The following COMMD1 variants were observed in gnomAD, a reference collection of about 807,000 sequenced individuals.
COMMD1 encodes COMM domain-containing protein 1.
COMMD1 carries 10 observed loss-of-function variants against 17.2 expected under a neutral mutation model. The ratio of observed to expected loss-of-function variants is 0.58; its 90% CI spans 0.36 to 0.99. COMMD1 has a LOEUF of 0.99. Among genes scored for constraint, COMMD1 ranks in the 50% least tolerant of loss-of-function variants. The pLI, the probability that COMMD1 is intolerant of heterozygous loss-of-function variation, is 0.01. For synonymous variants in COMMD1, 97 were observed against 91.6 expected, an observed-to-expected ratio of 1.06 and a Z score of -0.34; for missense variants, 270 against 231.8, an observed-to-expected ratio of 1.17 and a Z score of -1.07.
intron 1 of COMMD1, among the ~76,000 whole-genome samples, chr2:61,892,871 T>G (rs892440198): frequency 6.7e-6 from 1 of 150,166 alleles, no homozygotes; most frequent in African/African-American, 2.5e-5. Flanking sequence ...GCATCGTTCT[T>G]TTTTTTTCCC....
rs376105687 is a variant in COMMD1 at position 61,921,503 on chromosome 2, G to T, written c.180+15645G>T. ...CTGTTTCCCAGGCTGGAGTGCAGTG[G>T]CACGATTTCTGCTCACTGCAAGCTC... On this transcript the variant is annotated intron_variant, in intron 1 of 2. Coordinates refer to ENST00000311832, the MANE Select transcript of COMMD1 (RefSeq NM_152516.4). Among the ~76,000 whole-genome samples, 13 of 152,124 alleles carry T rather than the reference G, an allele frequency of 8.5e-5. No homozygotes were observed. In the East Asian group the frequency reaches 9.7e-4, roughly 11 times the overall value.
intron 1 of COMMD1, among the ~76,000 whole-genome samples, chr2:61,941,037 AC>A (rs34628176): frequency 1.6e-5 from 2 of 128,002 alleles, no homozygotes; most frequent in East Asian, 4.7e-4. Flanking sequence ...TTTGTTAATA[AC>A]CCCCCCTTTT....
chr2:62,132,826 C>T (rs927037643), intron 2 of COMMD1, among the ~76,000 whole-genome samples: 11 of 141,910 alleles, frequency 7.8e-5, no homozygotes, highest in Non-Finnish European at 1.4e-4. Flanking sequence ...GGCGACAGAG[C>T]GAGACTCTTG....
intron 2 of COMMD1, among the ~76,000 whole-genome samples, chr2:62,052,227 G>C (rs1670556787): frequency 6.6e-6 from 1 of 152,130 alleles, no homozygotes; most frequent in Non-Finnish European, 1.5e-5. Flanking sequence ...GACACTGGTG[G>C]ATTGCTTGAC....
At chr2:62,122,444 C>CTTTTTTTTTT (rs372131423) in intron 2 of COMMD1, among the ~76,000 whole-genome samples, 1 of 126,904 alleles carries the variant, frequency 7.9e-6, no homozygotes. Flanking sequence ...TCTTTCTTTT[C>CTTTTTTTTTT]TTTTTTTTTT....
intron 2 of COMMD1, among the ~76,000 whole-genome samples, chr2:62,129,430 A>G (rs1672966356): frequency 6.6e-6 from 1 of 152,176 alleles, no homozygotes; most frequent in Non-Finnish European, 1.5e-5. Flanking sequence ...ATAAAATTTT[A>G]ATTGGGGCCA....
chr2:61,993,063 C>T (rs192312662), intron 1 of COMMD1, among the ~76,000 whole-genome samples: 6 of 152,284 alleles, frequency 3.9e-5, no homozygotes, highest in African/African-American at 1.4e-4. Flanking sequence ...GAGAGTGCTT[C>T]ACACCATCCT....
rs890832165 is a variant in COMMD1 at position 62,034,120 on chromosome 2, T to C, written c.462+33138T>C. ...AAAAAAAAAAAAAAAAAGAAATGTA[T>C]TAAAAGAGGTTACGGATTTGAAATT... On this transcript the variant is annotated intron_variant, in intron 2 of 2. Coordinates refer to ENST00000311832, the MANE Select transcript of COMMD1 (RefSeq NM_152516.4). Among the ~76,000 whole-genome samples, 6 of 150,222 alleles carry C rather than the reference T, an allele frequency of 4.0e-5. No individual in the cohort carries two copies. The East Asian group carries it at 9.8e-4, about 25-fold the overall frequency.
intron 1 of COMMD1, among the ~76,000 whole-genome samples, chr2:61,921,740 G>A (rs1358724711): frequency 6.6e-6 from 1 of 152,194 alleles, no homozygotes; most frequent in African/African-American, 2.4e-5. Context: ...ACCGTGCCCA[G>A]CCCAACCCAG....
chr2:62,107,081 G>T (rs1429968733), intron 2 of COMMD1, among the ~76,000 whole-genome samples: 4 of 152,132 alleles, frequency 2.6e-5, no homozygotes, highest in African/African-American at 4.8e-5. Flanking sequence ...CACCAGGTTA[G>T]TGTTCCTTAA....
chr2:62,110,692 C>T (rs182759463), intron 2 of COMMD1, among the ~76,000 whole-genome samples: 1 of 152,140 alleles, frequency 6.6e-6, no homozygotes. Flanking sequence ...CTTTGTATAC[C>T]TTTCTCTCAA....
intron 2 of COMMD1, among the ~76,000 whole-genome samples, chr2:62,021,999 T>A (rs1260467449): frequency 6.6e-6 from 1 of 152,064 alleles, no homozygotes; most frequent in African/African-American, 2.4e-5. Flanking sequence ...AACTCCTATT[T>A]TTTTTTGTTT....
intron 2 of COMMD1, among the ~76,000 whole-genome samples, chr2:62,078,190 G>A (rs1183185463): frequency 2.7e-5 from 4 of 147,510 alleles, no homozygotes; most frequent in Non-Finnish European, 5.9e-5. Flanking sequence ...CAGGAGAATG[G>A]CGTGAACCCA....
At chr2:61,985,998 C>T (rs1156755334) in intron 1 of COMMD1, among the ~76,000 whole-genome samples, 1 of 152,118 alleles carries the variant, frequency 6.6e-6, no homozygotes, top group Non-Finnish European at 1.5e-5. Flanking sequence ...TCTTATTGCT[C>T]ATTAACATCC....
At chr2:62,133,377 T>C (rs1673095309) in intron 2 of COMMD1, among the ~76,000 whole-genome samples, 1 of 152,142 alleles carries the variant, frequency 6.6e-6, no homozygotes, top group South Asian at 2.1e-4. Flanking sequence ...ACTTTGGAGA[T>C]GGGGGTAGGA....
intron 2 of COMMD1, among the ~76,000 whole-genome samples, chr2:62,068,847 T>A (rs1008861508): frequency 6.6e-6 from 1 of 151,984 alleles, no homozygotes; most frequent in Non-Finnish European, 1.5e-5. Context: ...TTCACCATGT[T>A]AGCCAGAATG....
chr2:62,126,795 A>G (rs540410646), intron 2 of COMMD1, among the ~76,000 whole-genome samples: 6 of 152,184 alleles, frequency 3.9e-5, no homozygotes, highest in Non-Finnish European at 8.8e-5. Context: ...AAAAGCTGGA[A>G]GCATTCCCCT....
At chr2:62,111,049 G>A (rs950469787) in intron 2 of COMMD1, among the ~76,000 whole-genome samples, 2 of 152,160 alleles carry the variant, frequency 1.3e-5, no homozygotes, top group Non-Finnish European at 2.9e-5. Flanking sequence ...CCTATTGATT[G>A]AGTCTCTAGT....
intron 1 of COMMD1, among the ~76,000 whole-genome samples, chr2:61,978,460 C>T (rs1166288358): frequency 6.6e-6 from 1 of 152,114 alleles, no homozygotes; most frequent in Non-Finnish European, 1.5e-5. Flanking sequence ...ATTGAGCTCC[C>T]AATTTCAGTT....
Sources: gnomAD v4.1 joint callset for allele counts (sites outside exome capture counted in the v4.1 genomes callset) on GRCh38, gnomAD v4.1.1 for gene constraint, MANE v1.5 for transcripts, NCBI Gene and HGNC (gene_info 2026-07-23, HGNC 2026-07-21) for gene names.